The following GABRG1 variants were observed in gnomAD, a reference collection of about 807,000 sequenced individuals.
The protein encoded by GABRG1 is gamma-aminobutyric acid receptor subunit gamma-1.
Under a neutral mutation model 49.8 loss-of-function variants are expected in GABRG1, and 49 were observed. The observed-to-expected ratio is 0.98, with a 90% CI of 0.78 to 1.25. The LOEUF is 1.25. Ranked by LOEUF, GABRG1 falls within the 50% of genes most tolerant of loss-of-function variation. The pLI is 0.00. For missense variants in GABRG1, 552 were observed against 552.3 expected (o/e 1.00, Z 0.01); for synonymous variants, 232 against 185.1 (o/e 1.25, Z -2.06).
At chr4:46,097,014 CT>C (rs1044045892) in intron 2 of GABRG1, among the ~76,000 whole-genome samples, 186 bp downstream of exon 2, 3 of 151,042 alleles carry the variant, frequency 2.0e-5, no homozygotes, top group African/African-American at 7.3e-5. Context: ...AATTTTTTTT[CT>C]TTTTTCTTAT....
At chr4:46,086,613 C>T (rs1158674081) in intron 2 of GABRG1, among the ~76,000 whole-genome samples, 1 of 151,424 alleles carries the variant, frequency 6.6e-6, no homozygotes, top group African/African-American at 2.4e-5. Context: ...GAAATAGTCC[C>T]ACTTATTCAG....
chr4:46,122,631 C>T (rs1264847330), intron 1 of GABRG1, among the ~76,000 whole-genome samples: 1 of 151,992 alleles, frequency 6.6e-6, no homozygotes, highest in African/African-American at 2.4e-5. Flanking sequence ...AATCCAATCT[C>T]TATTTTCTAA....
chr4:46,095,065 A>C (rs1720121724), intron 2 of GABRG1, among the ~76,000 whole-genome samples: 1 of 151,900 alleles, frequency 6.6e-6, no homozygotes, highest in Non-Finnish European at 1.5e-5. Context: ...ACGCACACAC[A>C]AATACACAAA....
In GABRG1 at chr4:46,036,036, A is replaced by G. The variant is rs1261993437; in HGVS notation, c.*4952T>C. ...ATTGAAAACCAAACTATTTCCATTT[A>G]GGTAAATCATGTCTCAAAAGTCTTC... On this transcript the variant is annotated 3_prime_UTR_variant, in exon 9 of 9. Coordinates refer to ENST00000295452, the MANE Select transcript of GABRG1 (RefSeq NM_173536.4). 6.6e-6 allele frequency: 1 copy of G among 151,976 alleles called. No individual in the cohort carries two copies. The highest frequency in any genetic ancestry group is 1.5e-5 in the Non-Finnish European group (1 of 67,874). 9.4% of individuals were successfully genotyped at this position (151,976 alleles called of 1,614,324 possible). A position where few individuals can be genotyped will look rare whatever the true frequency, so the allele number is the denominator to read the frequency against.
At chr4:46,091,314 C>A (rs537342254) in intron 2 of GABRG1, among the ~76,000 whole-genome samples, 1 of 151,964 alleles carries the variant, frequency 6.6e-6, no homozygotes, top group Admixed American at 6.6e-5. Flanking sequence ...AAAATTAAGT[C>A]CTCTCTGGAA....
At chr4:46,097,462 G>T (rs1262516432) in intron 1 of GABRG1, 113 bp from the exon 2 acceptor site, 22 of 947,510 alleles carry the variant, frequency 2.3e-5, no homozygotes, top group Non-Finnish European at 3.1e-5. Context: ...CAGACAAAAA[G>T]GTATTACACT....
At position 46,064,456 on chromosome 4, in the gene GABRG1, G is replaced by A. The variant is rs1718830861; in HGVS notation, c.610C>T (p.Leu204=). The stretch of plus-strand genomic sequence containing the variant: ...TGTTACTTACAGCTTGAAAATTCCA[G>A]TGGACAGGAATGTTCATCCATGGGA... ...NFPMDEHSCP[L]EFSSYGYPKN... Residue 204 remains leucine (L), a synonymous_variant, in exon 5 of 9, where the codon CTG becomes TTG. Transcript: ENST00000295452. The A allele has an allele frequency of 6.6e-7, 1 of 1,526,550 alleles. No individual in the cohort carries two copies. The highest frequency in any genetic ancestry group is 1.8e-4 in the Middle Eastern group (1 of 5,652). 94.6% of individuals were successfully genotyped at this position (1,526,550 alleles called of 1,614,324 possible). A position where few individuals can be genotyped will look rare whatever the true frequency, so the allele number is the denominator to read the frequency against.
rs116428525 is a variant in GABRG1, at chr4:46,098,080, G to C, written c.105-731C>G. ...ATAACTGAGAAAACCAAGGACCACA[G>C]AAAAATAGCCAAAACACAAATCTAT... On this transcript the variant is annotated intron_variant, in intron 1 of 8. Coordinates refer to ENST00000295452, the MANE Select transcript of GABRG1 (RefSeq NM_173536.4). Among the ~76,000 whole-genome samples the C allele has an allele frequency of 5.4e-3, 813 of 151,740 alleles. 4 individuals are homozygous for C. Among genetic ancestry groups the C allele is most frequent in the Non-Finnish European group, 8.1e-3 (552 of 67,776 alleles).
chr4:46,079,533 T>C (rs1003260531), intron 3 of GABRG1, among the ~76,000 whole-genome samples: 3 of 151,950 alleles, frequency 2.0e-5, no homozygotes, highest in Non-Finnish European at 2.9e-5. Flanking sequence ...TTATTAGTTG[T>C]TCCTTGTCCC....
chr4:46,118,298 A>T (rs1171272731), intron 1 of GABRG1, among the ~76,000 whole-genome samples: 1 of 149,988 alleles, frequency 6.7e-6, no homozygotes, highest in Admixed American at 6.7e-5. Flanking sequence ...ATCTAGATGT[A>T]TATATATCTT....
chr4:46,062,771 A>G (rs13144212), intron 5 of GABRG1, among the ~76,000 whole-genome samples: 5,316 of 152,188 alleles, frequency 0.035, 161 homozygotes, highest in Non-Finnish European at 0.052. Context: ...AGAAAACCCC[A>G]TTGTCTCAGC....
intron 2 of GABRG1, among the ~76,000 whole-genome samples, chr4:46,089,052 C>A (rs1295259463): frequency 1.3e-5 from 2 of 151,936 alleles, no homozygotes; most frequent in Non-Finnish European, 2.9e-5. Context: ...ATTTTATTTT[C>A]TTGTGGGTAT....
At chr4:46,116,316 T>C (rs944344761) in intron 1 of GABRG1, among the ~76,000 whole-genome samples, 2 of 150,886 alleles carry the variant, frequency 1.3e-5, no homozygotes, top group Non-Finnish European at 3.0e-5. Flanking sequence ...GACAATATAT[T>C]GAAATTATCA....
intron 2 of GABRG1, among the ~76,000 whole-genome samples, chr4:46,096,331 G>A (rs1020370243): frequency 1.3e-5 from 2 of 151,550 alleles, no homozygotes; most frequent in African/African-American, 4.8e-5. Context: ...CGAGTAAAGG[G>A]CTAATAAATG....
At chr4:46,045,742 T>C (rs972425544) in intron 8 of GABRG1, among the ~76,000 whole-genome samples, 2 of 152,010 alleles carry the variant, frequency 1.3e-5, no homozygotes, top group East Asian at 3.9e-4. Flanking sequence ...TAATTTTTTG[T>C]ATTTTTGTAG....
At chr4:46,101,783 T>C (rs940626426) in intron 1 of GABRG1, among the ~76,000 whole-genome samples, 3 of 151,680 alleles carry the variant, frequency 2.0e-5, no homozygotes, top group African/African-American at 7.2e-5. Flanking sequence ...AAAGTACACA[T>C]CTATTGCTTG....
At chr4:46,046,007 A>G (rs1717984366) in intron 8 of GABRG1, among the ~76,000 whole-genome samples, 1 of 152,142 alleles carries the variant, frequency 6.6e-6, no homozygotes, top group African/African-American at 2.4e-5. Flanking sequence ...TGAAAATAAT[A>G]ATTACAAGAA....
chr4:46,111,421 A>C (rs1720710077), intron 1 of GABRG1, among the ~76,000 whole-genome samples: 1 of 151,222 alleles, frequency 6.6e-6, no homozygotes. Flanking sequence ...TATCGGACAA[A>C]GCAATTTACA....
intron 1 of GABRG1, among the ~76,000 whole-genome samples, chr4:46,109,675 T>G (rs531490884): frequency 6.6e-6 from 1 of 151,192 alleles, no homozygotes; most frequent in Non-Finnish European, 1.5e-5. Flanking sequence ...TTCTTAACAC[T>G]GCTTTTGCAG....
Sources: allele counts gnomAD v4.1 joint callset (sites outside exome capture counted in the v4.1 genomes callset), GRCh38; gene constraint gnomAD v4.1.1; transcripts MANE v1.5; gene names NCBI Gene and HGNC (gene_info 2026-07-23, HGNC 2026-07-21).